Variants in QSER1 observed in about 807,000 individuals in gnomAD.
QSER1 encodes glutamine and serine rich 1, also known as glutamine and serine-rich protein 1.
A neutral mutation model predicts 158.5 loss-of-function variants in QSER1; 49 were observed. The ratio of observed to expected loss-of-function variants is 0.31; its 90% CI spans 0.25 to 0.39. The LOEUF (loss-of-function observed/expected upper bound fraction) is 0.39, where lower values mean the gene tolerates loss of function less well. Ranked by LOEUF, QSER1 falls within the 10% of genes least tolerant of loss-of-function variation. The pLI, the probability that QSER1 is intolerant of heterozygous loss-of-function variation, is 1.00. For synonymous variants in QSER1, 650 were observed against 715.5 expected (o/e 0.91, Z 1.46); for missense variants, 1,754 against 2,010.3 (o/e 0.87, Z 2.44).
At chr11:32,946,682 T>G (rs1343095800) in intron 4 of QSER1, among the ~76,000 whole-genome samples, 1 of 152,120 alleles carries the variant, frequency 6.6e-6, no homozygotes, top group African/African-American at 2.4e-5. Flanking sequence ...GCTGTCTTTT[T>G]GTTTGTCTGT....
rs529296060 is a variant in QSER1, at chr11:32,918,974, C to A, written c.210-8183C>A. 1.6e-4 allele frequency among the ~76,000 whole-genome samples: 25 copies of A among 152,272 alleles called. No homozygotes were observed. In the South Asian group the frequency reaches 3.7e-3, roughly 23 times the overall value. ...TCCCATACACCCCCCACCTAGTTTT[C>A]CCTATTATTACCATCTTGCATTGGT... On this transcript the variant is annotated intron_variant, in intron 1 of 12. Transcript: ENST00000650167.
At chr11:32,964,232 C>T (rs116048919) in intron 8 of QSER1, among the ~76,000 whole-genome samples, 2,593 of 151,822 alleles carry the variant, frequency 0.017, 72 homozygotes, top group African/African-American at 0.059. Context: ...ACTTTGGCCT[C>T]CCAAAGTGCT....
At position 32,933,685 on chromosome 11, in the gene QSER1, T is replaced by G; in HGVS notation, c.2427T>G (p.His809Gln). 1 of 1,613,688 alleles carries G rather than the reference T, an allele frequency of 6.2e-7. No homozygotes were observed. Among genetic ancestry groups the G allele is most frequent in the Non-Finnish European group, 8.5e-7 (1 of 1,179,868 alleles). Residue 809 changes from histidine to glutamine, a missense_variant, in exon 4 of 13, where the codon CAT (histidine) becomes CAG (glutamine). Physicochemically the swap from His to Gln is conservative, Grantham distance 24. Coordinates refer to ENST00000650167, the MANE Select transcript of QSER1 (RefSeq NM_001076786.3). ...RLNTKDLKQQ[H>Q]PLILKVHESK... ...ATACTAAAGACTTAAAGCAGCAACA[T>G]CCTCTCATACTTAAGGTGCATGAGT...
chr11:32,895,539 C>A (rs1017967585), intron 1 of QSER1, among the ~76,000 whole-genome samples: 4 of 152,144 alleles, frequency 2.6e-5, no homozygotes, highest in Non-Finnish European at 4.4e-5. Flanking sequence ...TATTTTTATA[C>A]CATTTTAAAA....
chr11:32,971,188 G>A (rs573725023), intron 10 of QSER1, among the ~76,000 whole-genome samples: 1 of 151,942 alleles, frequency 6.6e-6, no homozygotes, highest in Non-Finnish European at 1.5e-5. Flanking sequence ...AAAGTGCTGG[G>A]ATTACAGGTG....
At chr11:32,924,204 A>G (rs546443994) in intron 1 of QSER1, among the ~76,000 whole-genome samples, 2 of 151,298 alleles carry the variant, frequency 1.3e-5, no homozygotes, top group Non-Finnish European at 2.9e-5. Flanking sequence ...GGACACCAAA[A>G]GCACAAACTA....
rs1318101002 is a variant in QSER1 at position 32,934,342 on chromosome 11, G to A, written c.3084G>A (p.Val1028=). ...AGCAGTCATTAGATGTCAGGCATGT[G>A]ACTTCAGATTTTAACTCTATGACAG... The part of the protein sequence containing the change: ...HFQQSLDVRH[V]TSDFNSMTAT... The change falls in exon 4 of 13, where the codon GTG becomes GTA. Residue 1028 remains valine, a synonymous_variant. Coordinates refer to ENST00000650167, the MANE Select transcript of QSER1 (RefSeq NM_001076786.3). The A allele has an allele frequency of 6.2e-7, 1 of 1,613,840 alleles. No homozygotes were observed. Among genetic ancestry groups the A allele is most frequent in the African/African-American group, 1.3e-5 (1 of 74,900 alleles).
intron 5 of QSER1, among the ~76,000 whole-genome samples, chr11:32,954,743 CTCTTGGCCTCAAGCAGTCCTCCCA>C (rs1355266394): frequency 3.9e-5 from 6 of 152,086 alleles, no homozygotes; most frequent in African/African-American, 7.2e-5. Context: ...TGGTCTCAAA[CTCTTGGCCTCAAGCAGTCCTCCCA>C]TCTTGGCCTC....
intron 4 of QSER1, among the ~76,000 whole-genome samples, chr11:32,940,847 G>A (rs992187334): frequency 6.6e-6 from 1 of 151,700 alleles, no homozygotes; most frequent in Non-Finnish European, 1.5e-5. Context: ...CTAATAAATG[G>A]TTCTTTTTAA....
At position 32,933,488 on chromosome 11, in the gene QSER1, T is replaced by C. The variant is rs1286885685; in HGVS notation, c.2230T>C (p.Ser744Pro). ...RYSQSVIRSN[S>P]RLEDQVIGVA... ...TTCTCAGAGTGTAATCAGAAGTAAT[T>C]CCCGTCTTGAAGATCAAGTTATTGG... Residue 744 changes from serine (S) to proline (P), a missense_variant, in exon 4 of 13, where the codon TCC (serine) becomes CCC (proline). By Grantham distance (74) the Ser-to-Pro change is moderately conservative (BLOSUM62 -1). Around this residue, in one of 2 missense-constraint regions of QSER1, gnomAD observed 1,707 missense variants for 1,919.6 expected, o/e 0.89. Transcript: ENST00000650167. 1 of 1,611,768 alleles carries C rather than the reference T, an allele frequency of 6.2e-7. No homozygotes were observed. The highest frequency in any genetic ancestry group is 8.5e-7 in the Non-Finnish European group (1 of 1,179,186).
chr11:32,931,731 T>C lies in QSER1; in HGVS notation c.485-12T>C. 1 of 1,554,880 alleles carries C rather than the reference T, an allele frequency of 6.4e-7. No individual in the cohort carries two copies. Among genetic ancestry groups the C allele is most frequent in the Non-Finnish European group, 8.7e-7 (1 of 1,154,316 alleles). Reference sequence around the variant, plus strand: ...ATAATTACATAAAAATCTTTGTGCCTTTTCTTCATAGGCATGCATTCCTCA... The same window carrying C: ...ATAATTACATAAAAATCTTTGTGCCCTTTCTTCATAGGCATGCATTCCTCA... On this transcript the variant is annotated splice_polypyrimidine_tract_variant and intron_variant, in intron 3 of 12. Transcript: ENST00000650167.
chr11:32,943,548 G>A (rs11529263), intron 4 of QSER1, among the ~76,000 whole-genome samples: 13,357 of 148,852 alleles, frequency 0.09, 685 homozygotes, highest in African/African-American at 0.15. Context: ...ATTGATTTGC[G>A]TATATTGAAC....
In QSER1 at chr11:32,931,750, T is replaced by C; in HGVS notation, c.492T>C (p.His164=). 6.3e-7 allele frequency: 1 copy of C among 1,589,950 alleles called. No individual in the cohort carries two copies. The highest frequency in any genetic ancestry group is 8.5e-7 in the Non-Finnish European group (1 of 1,170,058). The change falls in exon 4 of 13, where the codon CAT becomes CAC. Residue 164 remains histidine (H), a synonymous_variant. Transcript: ENST00000650167. ...FRAPSWQTGM[H]SSAATELFAT... is the part of the protein sequence containing the mutation. ...TGTGCCTTTTCTTCATAGGCATGCA[T>C]TCCTCAGCAGCAACTGAGCTGTTTG...
chr11:32,911,931 T>G (rs1851772005), intron 1 of QSER1, among the ~76,000 whole-genome samples: 1 of 152,158 alleles, frequency 6.6e-6, no homozygotes, highest in Non-Finnish European at 1.5e-5. Flanking sequence ...TTCAGTTGAG[T>G]TGCAAGGAAT....
At chr11:32,975,451 A>T in intron 12 of QSER1, 108 bp downstream of exon 12, 1 of 1,539,774 alleles carries the variant, frequency 6.5e-7, no homozygotes, top group Non-Finnish European at 8.8e-7. Flanking sequence ...ACATGTGTGT[A>T]TGTATTTTGT....
At position 32,953,974 on chromosome 11, in the gene QSER1, T is replaced by C. The variant is rs1357532105; in HGVS notation, c.4295T>C (p.Val1432Ala). Residue 1432 changes from valine (V) to alanine (A), a missense_variant, in exon 5 of 13, where the codon GTA becomes GCA. By Grantham distance (64) the Val-to-Ala change is moderately conservative. Coordinates refer to ENST00000650167, the MANE Select transcript of QSER1 (RefSeq NM_001076786.3). ...CCTCTCCACTCTACTTCATATGCAG[T>C]AAATATTCTGGAAAATATAAGCTCT... ...QEPLHSTSYA[V>A]NILENISSSE... 5 of 1,614,162 alleles carry C rather than the reference T, an allele frequency of 3.1e-6. No individual in the cohort carries two copies. The highest frequency in any genetic ancestry group is 4.2e-6 in the Non-Finnish European group (5 of 1,180,006).
chr11:32,900,573 C>T (rs1166623514), intron 1 of QSER1, among the ~76,000 whole-genome samples: 4 of 151,696 alleles, frequency 2.6e-5, no homozygotes, highest in South Asian at 2.1e-4. Context: ...AAAAAAAAAT[C>T]GAATGACTTA....
At chr11:32,901,514 A>G (rs898084369) in intron 1 of QSER1, among the ~76,000 whole-genome samples, 1 of 152,200 alleles carries the variant, frequency 6.6e-6, no homozygotes, top group African/African-American at 2.4e-5. Flanking sequence ...GATTAGTACA[A>G]AGAAGGAGCT....
chr11:32,941,393 C>CT (rs1852233290), intron 4 of QSER1, among the ~76,000 whole-genome samples: 2 of 132,964 alleles, frequency 1.5e-5, no homozygotes, highest in African/African-American at 2.8e-5. Flanking sequence ...CTCCACCCCC[C>CT]ACAACAGTCC....
Sources: allele counts gnomAD v4.1 joint callset (sites outside exome capture counted in the v4.1 genomes callset), GRCh38; gene constraint gnomAD v4.1.1; regional missense constraint gnomAD v4.1.1; transcripts MANE v1.5; gene names NCBI Gene and HGNC (gene_info 2026-07-23, HGNC 2026-07-21).